Variants in ACCSL observed in about 807,000 individuals in gnomAD.
ACCSL encodes the protein probable inactive 1-aminocyclopropane-1-carboxylate synthase-like protein 2.
In ACCSL, 55 loss-of-function variants were observed where a neutral mutation model predicts 61.7. The observed-to-expected ratio is 0.89, with a 90% confidence interval of 0.72 to 1.12. ACCSL has a LOEUF of 1.12. Among genes scored for constraint, ACCSL ranks in the 50% most tolerant of loss-of-function variants. The pLI is 0.00. For missense variants in ACCSL, 632 were observed against 698.0 expected (o/e 0.91, Z 1.07); for synonymous variants, 258 against 264.3 (o/e 0.98, Z 0.23).
the ACCSL span, among the ~76,000 whole-genome samples, chr11:44,031,015 A>G: frequency 2.0e-5 from 3 of 152,158 alleles, no homozygotes; most frequent in Admixed American, 2.0e-4. Context: ...TACACCCAGG[A>G]TTTGGAAGGC....
chr11:44,034,816 A>G, the ACCSL span, among the ~76,000 whole-genome samples: 1 of 152,216 alleles, frequency 6.6e-6, no homozygotes, highest in Admixed American at 6.5e-5. Flanking sequence ...TAAGTCAGGG[A>G]ATGAACCTCA....
At chr11:43,943,361 CG>C in the ACCSL span, 1 of 1,390,650 alleles carries the variant, frequency 7.2e-7, no homozygotes, top group Non-Finnish European at 9.3e-7. This position sits in a 1 kb window ranked among gnomAD's most constrained non-coding sequence, Gnocchi z 4.8. Context: ...GCCCTGCTCC[CG>C]GGGGACCCGC....
the ACCSL span, among the ~76,000 whole-genome samples, chr11:43,935,679 C>G: frequency 1.3e-5 from 2 of 152,160 alleles, no homozygotes; most frequent in Non-Finnish European, 2.9e-5. Flanking sequence ...GAGATGTGGT[C>G]TCACTATGTT....
At chr11:43,943,579 CG>C in the ACCSL span, 1 of 1,312,062 alleles carries the variant, frequency 7.6e-7, no homozygotes, top group Admixed American at 2.3e-5. This position sits in a 1 kb window ranked among gnomAD's most constrained non-coding sequence, Gnocchi z 4.8. Context: ...GCTGAGTCGG[CG>C]GCGGGTAGCC....
the ACCSL span, among the ~76,000 whole-genome samples, chr11:43,980,847 C>A: frequency 4.2e-5 from 6 of 143,026 alleles, no homozygotes; most frequent in Non-Finnish European, 8.0e-5. Flanking sequence ...ATGGGGTAAG[C>A]GCTATTATCA....
the ACCSL span, among the ~76,000 whole-genome samples, chr11:44,033,557 C>G: frequency 6.6e-6 from 1 of 152,280 alleles, no homozygotes; most frequent in African/African-American, 2.4e-5. Flanking sequence ...GGGCTGAGGT[C>G]ATTTGATCTC....
At chr11:43,931,669 G>A in the ACCSL span, among the ~76,000 whole-genome samples, 1 of 152,320 alleles carries the variant, frequency 6.6e-6, no homozygotes, top group East Asian at 1.9e-4. Context: ...ATTTAAGGGT[G>A]AGATGATAGG....
At chr11:43,957,015 G>A in the ACCSL span, among the ~76,000 whole-genome samples, 9 of 152,142 alleles carry the variant, frequency 5.9e-5, no homozygotes, top group African/African-American at 1.2e-4. Flanking sequence ...GAAGAAAAAC[G>A]GGATAGAGGC....
chr11:44,052,616 G>T (rs747614258), intron 5 of ACCSL, 46 bp from the exon 6 acceptor site: 11 of 1,557,930 alleles, frequency 7.1e-6, no homozygotes, highest in South Asian at 2.2e-5. Flanking sequence ...AACAGGCTCT[G>T]ATTGGGAGAC....
chr11:43,961,689 CAT>C, the ACCSL span, among the ~76,000 whole-genome samples: 1 of 141,772 alleles, frequency 7.1e-6, no homozygotes, highest in Admixed American at 7.2e-5. Context: ...TTTCTTTGGT[CAT>C]ATTGTTTTGT....
chr11:43,997,721 A>G, the ACCSL span, among the ~76,000 whole-genome samples: 1 of 152,214 alleles, frequency 6.6e-6, no homozygotes, highest in South Asian at 2.1e-4. Flanking sequence ...CAAGTATTGG[A>G]AACCCCAACC....
the ACCSL span, among the ~76,000 whole-genome samples, chr11:43,932,449 A>G: frequency 8.1e-3 from 1,230 of 152,216 alleles, 19 homozygotes; most frequent in African/African-American, 0.028. Flanking sequence ...TTGTATTTTT[A>G]GTAGAGACAG....
the ACCSL span, among the ~76,000 whole-genome samples, chr11:43,966,155 G>A: frequency 1.3e-5 from 2 of 152,206 alleles, no homozygotes; most frequent in Non-Finnish European, 2.9e-5. Context: ...GTTGGGCACA[G>A]TGGCTCATGC....
intron 11 of ACCSL, 22 bp downstream of exon 11, chr11:44,056,348 C>A (rs1351516648): frequency 1.2e-6 from 2 of 1,606,962 alleles, no homozygotes; most frequent in Non-Finnish European, 1.7e-6. Flanking sequence ...TAGCACAGAC[C>A]AGCATGTTGG....
At chr11:43,930,691 A>G in the ACCSL span, among the ~76,000 whole-genome samples, 1 of 152,170 alleles carries the variant, frequency 6.6e-6, no homozygotes, top group Admixed American at 6.5e-5. Flanking sequence ...TTCTGTACAC[A>G]TTACTCAGTC....
At chr11:44,040,558 G>A in the ACCSL span, among the ~76,000 whole-genome samples, 1 of 152,172 alleles carries the variant, frequency 6.6e-6, no homozygotes, top group Non-Finnish European at 1.5e-5. Context: ...AGAACATGCA[G>A]GCCACAGTGG....
chr11:44,035,902 C>T, the ACCSL span, among the ~76,000 whole-genome samples: 44 of 139,700 alleles, frequency 3.1e-4, no homozygotes, highest in East Asian at 8.9e-3. Context: ...CACGCCATTG[C>T]ACTCCAGCCT....
chr11:44,017,647 T>C, the ACCSL span, among the ~76,000 whole-genome samples: 1 of 152,154 alleles, frequency 6.6e-6, no homozygotes. Flanking sequence ...CTCCAGTGCT[T>C]TCTGGGATCC....
intron 1 of ACCSL, among the ~76,000 whole-genome samples, chr11:44,049,659 C>T (rs1952623537): frequency 6.6e-6 from 1 of 152,076 alleles, no homozygotes; most frequent in Non-Finnish European, 1.5e-5. Flanking sequence ...ATTAAGGGTC[C>T]AGGCTCAGGC....
Sources: gnomAD v4.1 joint callset for allele counts (sites outside exome capture counted in the v4.1 genomes callset) on GRCh38, gnomAD v4.1.1 for gene constraint, Gnocchi (gnomAD v3.1) non-coding constraint, MANE v1.5 for transcripts, NCBI Gene and HGNC (gene_info 2026-07-23, HGNC 2026-07-21) for gene names.